STX1B: variants seen among roughly 807,000 people sequenced by gnomAD.
The protein encoded by STX1B is syntaxin-1B.
In STX1B, 7 loss-of-function variants were observed where a neutral mutation model predicts 39.4. The observed-to-expected ratio is 0.18, with a 90% CI of 0.10 to 0.33. The LOEUF (loss-of-function observed/expected upper bound fraction) is 0.33, where lower values mean the gene tolerates loss of function less well. STX1B is among the 10% of genes least tolerant of loss of function. The pLI, the probability that STX1B is intolerant of heterozygous loss-of-function variation, is 1.00. For missense variants in STX1B, 198 were observed against 383.2 expected, an observed-to-expected ratio of 0.52 and a Z score of 4.04; for synonymous variants, 136 against 144.1, an observed-to-expected ratio of 0.94 and a Z score of 0.40.
chr16:31,005,872 C>T (rs1367138136), intron 1 of STX1B, among the ~76,000 whole-genome samples: 1 of 152,186 alleles, frequency 6.6e-6, no homozygotes, highest in Non-Finnish European at 1.5e-5. Context: ...CCTCCAGCTG[C>T]AGCCTGACCT....
rs2056629824 is a variant in STX1B, at chr16:31,001,530, T to C, written c.104A>G (p.Gln35Arg). The C allele has an allele frequency of 6.2e-7, 1 of 1,609,514 alleles. No individual in the cohort carries two copies. Among genetic ancestry groups the C allele is most frequent in the Non-Finnish European group, 8.5e-7 (1 of 1,178,388 alleles). ...RDHFMDEFFE[Q>R]VEEIRGCIEK... The stretch of plus-strand genomic sequence containing the variant: ...CTGGGGGCCTTGGAGGCCCATTACC[T>C]GTTCAAAGAACTCATCCATGAAGTG... The change falls in exon 2 of 10, where the codon CAG (glutamine) becomes CGG (arginine). Residue 35 changes from glutamine to arginine, a missense_variant and splice_region_variant. By Grantham distance (43) the Gln-to-Arg change is conservative. Transcript: ENST00000215095. The surrounding 1 kb of genome is among the most constrained non-coding windows in gnomAD (Gnocchi z 5.5).
Position 31,001,014 on chromosome 16 carries a change from G to A in STX1B, c.206-12C>T. On this transcript the variant is annotated splice_polypyrimidine_tract_variant and intron_variant, in intron 3 of 9. Transcript: ENST00000215095. The surrounding 1 kb of genome is among the most constrained non-coding windows in gnomAD (Gnocchi z 5.5). ...CTCCTGTTTGGTCTCTGAGGGGAGG[G>A]CGAGGGCAAGTGAGATGTCTGGGTG... The A allele has an allele frequency of 6.2e-7, 1 of 1,614,146 alleles. No homozygotes were observed. The highest frequency in any genetic ancestry group is 1.3e-5 in the African/African-American group (1 of 75,040).
intron 1 of STX1B, among the ~76,000 whole-genome samples, chr16:31,005,349 C>T (rs1596721673): frequency 6.6e-6 from 1 of 152,090 alleles, no homozygotes; most frequent in Non-Finnish European, 1.5e-5. Context: ...CCTCAGGTTA[C>T]AGGTGAACGA....
intron 1 of STX1B, 31 bp downstream of exon 1, chr16:31,010,336 G>A (rs1226217032): frequency 6.4e-6 from 2 of 314,536 alleles, no homozygotes; most frequent in South Asian, 1.2e-4. Context: ...TTGGGGTCCC[G>A]CCCCCCCATT....
chr16:30,994,762 C>T (rs1451652990), intron 7 of STX1B, among the ~76,000 whole-genome samples: 1 of 152,116 alleles, frequency 6.6e-6, no homozygotes, highest in Non-Finnish European at 1.5e-5. Context: ...CCCCACTACC[C>T]AAGGCTCCAC....
chr16:30,993,798 A>C (rs1409280118), intron 7 of STX1B, among the ~76,000 whole-genome samples: 1 of 152,160 alleles, frequency 6.6e-6, no homozygotes, highest in African/African-American at 2.4e-5. Flanking sequence ...CAGCCTGGCC[A>C]ACATGGCGAA....
chr16:30,993,820 A>C lies in STX1B; in HGVS notation c.538-336T>G, dbSNP rs1272353521. On this transcript the variant is annotated intron_variant, in intron 7 of 9. Coordinates refer to ENST00000215095, the MANE Select transcript of STX1B (RefSeq NM_052874.5). ...GCCAACATGGCGAAACCTCGTCTCTACTAAAAATATAAAAATTAGCCTGGT... is the reference window on the plus strand; with the variant it reads ...GCCAACATGGCGAAACCTCGTCTCTCCTAAAAATATAAAAATTAGCCTGGT... Among the ~76,000 whole-genome samples, 4 of 152,158 alleles carry C rather than the reference A, an allele frequency of 2.6e-5. No homozygotes were observed. The East Asian group carries it at 7.7e-4, about 29-fold the overall frequency.
In STX1B at chr16:30,990,125, C is replaced by G. The variant is rs2056543770; in HGVS notation, c.*2696G>C. The G allele has an allele frequency of 6.6e-6, 1 of 152,282 alleles. No homozygotes were observed. The allele number at this position is 152,282 out of a possible 1,614,324, so 9.4% of individuals were successfully genotyped here. On this transcript the variant is annotated 3_prime_UTR_variant, in exon 10 of 10. Coordinates refer to ENST00000215095, the MANE Select transcript of STX1B (RefSeq NM_052874.5). Reference sequence around the variant, plus strand: ...GAGATGGGCAGCTGTGGGCCCAATGCCACTCCAGGTGGGGGGAGTGGTGCC... The same window carrying G: ...GAGATGGGCAGCTGTGGGCCCAATGGCACTCCAGGTGGGGGGAGTGGTGCC...
rs78932672 is a variant in STX1B at position 30,995,411 on chromosome 16, C to T, written c.537+1272G>A. Among the ~76,000 whole-genome samples, 96 of 152,168 alleles carry T rather than the reference C, an allele frequency of 6.3e-4. No homozygotes were observed. In the East Asian group the frequency reaches 0.018, roughly 29 times the overall value. ...GTCATTTTGCCACCAGAAACAGAAA[C>T]GGAGACAGGAGTGGGCAGGCCGGGG... On this transcript the variant is annotated intron_variant, in intron 7 of 9. Coordinates refer to ENST00000215095, the MANE Select transcript of STX1B (RefSeq NM_052874.5).
chr16:30,997,691 TC>T, intron 4 of STX1B, 116 bp from the exon 5 acceptor site: 1 of 976,962 alleles, frequency 1.0e-6, no homozygotes, highest in Non-Finnish European at 1.5e-6. Flanking sequence ...AGAAACGTCA[TC>T]CCCAGGGCGA....
chr16:31,000,042 G>A (rs1020457779), intron 4 of STX1B, among the ~76,000 whole-genome samples: 9 of 151,014 alleles, frequency 6.0e-5, no homozygotes, highest in African/African-American at 2.2e-4. Flanking sequence ...CTGTCACCCA[G>A]GCTGGAGTGC....
chr16:31,006,948 A>G (rs1046672840), intron 1 of STX1B, among the ~76,000 whole-genome samples: 6 of 152,150 alleles, frequency 3.9e-5, no homozygotes, highest in Admixed American at 2.6e-4. Context: ...CCATCTCTAC[A>G]AAAGCAAAAA....
At position 31,010,560 on chromosome 16, in the gene STX1B, C is replaced by A; in HGVS notation, c.-164G>T. ...GGGGCCGGGGGCGACTGGCCGAGGG[C>A]CGGGCAGGGGCAGGGGCCTGGGCCG... On this transcript the variant is annotated 5_prime_UTR_variant, in exon 1 of 10. Coordinates refer to ENST00000215095, the MANE Select transcript of STX1B (RefSeq NM_052874.5). The A allele has an allele frequency of 5.2e-6, 1 of 191,304 alleles. No individual in the cohort carries two copies. The highest frequency in any genetic ancestry group is 1.7e-4 in the South Asian group (1 of 6,056). The allele number at this position is 191,304 out of a possible 1,614,324, so 11.9% of individuals were successfully genotyped here. A position where few individuals can be genotyped will look rare whatever the true frequency, so the allele number is the denominator to read the frequency against.
At position 30,990,439 on chromosome 16, in the gene STX1B, A is replaced by G. The variant is rs1298184450; in HGVS notation, c.*2382T>C. The G allele has an allele frequency of 6.6e-6, 1 of 152,306 alleles. No individual in the cohort carries two copies. The highest frequency in any genetic ancestry group is 6.5e-5 in the Admixed American group (1 of 15,286). The allele number at this position is 152,306 out of a possible 1,614,324, so 9.4% of individuals were successfully genotyped here. On this transcript the variant is annotated 3_prime_UTR_variant, in exon 10 of 10. Coordinates refer to ENST00000215095, the MANE Select transcript of STX1B (RefSeq NM_052874.5). ...GCCACACTGACACACACACAGGACA[A>G]GGGAGAGCTCGGCTGTCTGAGCTCG... is the stretch of plus-strand genomic sequence containing the variant.
intron 1 of STX1B, 29 bp downstream of exon 1, chr16:31,010,338 C>A: frequency 7.9e-7 from 1 of 1,262,668 alleles, no homozygotes; most frequent in East Asian, 2.7e-5. Context: ...GGGGTCCCGC[C>A]CCCCCATTCT....
intron 4 of STX1B, among the ~76,000 whole-genome samples, chr16:30,998,081 A>G (rs2056605080): frequency 6.6e-6 from 1 of 152,198 alleles, no homozygotes; most frequent in African/African-American, 2.4e-5. Context: ...GGGCAAACAC[A>G]TGGATATTCC....
chr16:30,993,359 G>A lies in STX1B; in HGVS notation c.663C>T (p.Leu221=), dbSNP rs776867689. Residue 221 remains leucine (L), a synonymous_variant, in exon 8 of 10, where the codon CTC becomes CTT. Transcript: ENST00000215095. ...GCAGAGCCAGTACCTGGCTCTCTAC[G>A]AGCATGGCCATGTCCACAAACATAT... ...LHDMFVDMAM[L]VESQGEMIDR... The A allele has an allele frequency of 2.2e-5, 35 of 1,614,054 alleles. No homozygotes were observed. The highest frequency in any genetic ancestry group is 1.6e-4 in the South Asian group (15 of 91,088).
At chr16:30,995,486 T>C (rs2056587046) in intron 7 of STX1B, among the ~76,000 whole-genome samples, 1 of 146,338 alleles carries the variant, frequency 6.8e-6, no homozygotes, top group Non-Finnish European at 1.5e-5. Context: ...AAGCCCATCC[T>C]TTCTTTCTTT....
chr16:31,006,028 G>A (rs2056653509), intron 1 of STX1B, among the ~76,000 whole-genome samples: 1 of 152,252 alleles, frequency 6.6e-6, no homozygotes, highest in African/African-American at 2.4e-5. Flanking sequence ...TGACCAGAGA[G>A]ACAGATGGTG....
Sources: gnomAD v4.1 joint callset for allele counts (sites outside exome capture counted in the v4.1 genomes callset) on GRCh38, gnomAD v4.1.1 for gene constraint, Gnocchi (gnomAD v3.1) non-coding constraint, MANE v1.5 for transcripts, NCBI Gene and HGNC (gene_info 2026-07-23, HGNC 2026-07-21) for gene names.